SPTBN1: variants seen among roughly 807,000 people sequenced by gnomAD.
SPTBN1 encodes spectrin beta, non-erythrocytic 1.
Under a neutral mutation model 266.4 loss-of-function variants are expected in SPTBN1, and 32 were observed. The observed-to-expected ratio is 0.12, with a 90% confidence interval of 0.09 to 0.16. SPTBN1 has a LOEUF of 0.16. SPTBN1 is among the 10% of genes least tolerant of loss of function. The pLI, the probability that SPTBN1 is intolerant of heterozygous loss-of-function variation, is 1.00. For synonymous variants in SPTBN1, 1,336 were observed against 1,162.2 expected (o/e 1.15, Z -3.04); for missense variants, 2,296 against 3,067.1 (o/e 0.75, Z 5.94).
intron 1 of SPTBN1, among the ~76,000 whole-genome samples, chr2:54,523,959 G>A (rs1191278554): frequency 6.6e-6 from 1 of 152,206 alleles, no homozygotes; most frequent in African/African-American, 2.4e-5. Context: ...CAGCACTTTG[G>A]GAGGCCAAGG....
chr2:54,662,110 G>T, intron 32 of SPTBN1: 1 of 985,316 alleles, frequency 1.0e-6, no homozygotes, highest in Non-Finnish European at 1.2e-6. Context: ...AGTATCTCGG[G>T]TGTGCCCAGC....
At chr2:54,529,505 C>G (rs1486690740) in intron 2 of SPTBN1, 1 of 712,682 alleles carries the variant, frequency 1.4e-6, no homozygotes, top group Non-Finnish European at 2.6e-6. Flanking sequence ...GACACTGAGA[C>G]TCTGGAGGCC....
chr2:54,460,767 AG>A (rs1693326244), intron 1 of SPTBN1, among the ~76,000 whole-genome samples: 1 of 152,086 alleles, frequency 6.6e-6, no homozygotes, highest in Non-Finnish European at 1.5e-5. Flanking sequence ...TGGGATGCCG[AG>A]TGGGGGCGGA....
At position 54,594,833 on chromosome 2, in the gene SPTBN1, C is replaced by CTTTTTTTTTTTT. The variant is rs71408777; in HGVS notation, c.149-4252_149-4241dup. On this transcript the variant is annotated intron_variant, in intron 2 of 35. Transcript: ENST00000356805. ...GATTCCATGACCCTCTGGTAAGTTT[C>CTTTTTTTTTTTT]TTTTTTTTTTTTTTTTTTGAGACAG... Among the ~76,000 whole-genome samples the CTTTTTTTTTTTT allele has an allele frequency of 1.9e-3, 199 of 104,662 alleles. 22 individuals carry two copies. Among genetic ancestry groups the CTTTTTTTTTTTT allele is most frequent in the African/African-American group, 6.0e-3 (119 of 19,766 alleles). 68.7% of individuals were successfully genotyped at this position (104,662 alleles called of 152,430 possible).
In SPTBN1 at chr2:54,649,115, C is replaced by A. The variant is rs1222786663; in HGVS notation, c.5127C>A (p.Asp1709Glu). The change falls in exon 25 of 36, where the codon GAC (aspartate) becomes GAA (glutamate). Residue 1709 changes from aspartate (D) to glutamate (E), a missense_variant. Physicochemically the swap from Asp to Glu is conservative, Grantham distance 45 (BLOSUM62 2). Coordinates refer to ENST00000356805, the MANE Select transcript of SPTBN1 (RefSeq NM_003128.3). This position sits in a 1 kb window ranked among gnomAD's most constrained non-coding sequence, Gnocchi z 6.7. ...RLFQLNREVD[D>E]LEQWIAEREV... ...TCCAGCTCAACCGGGAGGTGGACGACCTGGAGCAGTGGATCGCTGAGAGGG... is the reference window on the plus strand; with the variant it reads ...TCCAGCTCAACCGGGAGGTGGACGAACTGGAGCAGTGGATCGCTGAGAGGG... The A allele has an allele frequency of 1.2e-6, 2 of 1,613,910 alleles. No individual in the cohort carries two copies. The highest frequency in any genetic ancestry group is 1.7e-6 in the Non-Finnish European group (2 of 1,179,854).
chr2:54,649,581 G>C lies in SPTBN1; in HGVS notation c.5203-34G>C. 1 of 1,595,804 alleles carries C rather than the reference G, an allele frequency of 6.3e-7. No homozygotes were observed. The highest frequency in any genetic ancestry group is 8.6e-7 in the Non-Finnish European group (1 of 1,167,000). ...ATCAAGAAATACAGAGTTCACAGTGGGCTCTCTGATTTCCTTACCCATCCC... is the reference window on the plus strand; with the variant it reads ...ATCAAGAAATACAGAGTTCACAGTGCGCTCTCTGATTTCCTTACCCATCCC... On this transcript the variant is annotated intron_variant, in intron 25 of 35. Coordinates refer to ENST00000356805, the MANE Select transcript of SPTBN1 (RefSeq NM_003128.3). This position sits in a 1 kb window ranked among gnomAD's most constrained non-coding sequence, Gnocchi z 6.7.
intron 1 of SPTBN1, among the ~76,000 whole-genome samples, chr2:54,471,306 T>C (rs1327022713): frequency 1.3e-5 from 2 of 152,198 alleles, no homozygotes; most frequent in African/African-American, 2.4e-5. Context: ...TCTTGCTCAT[T>C]TCCCTTGGTA....
At chr2:54,665,703 T>C (rs1042571448) in intron 33 of SPTBN1, among the ~76,000 whole-genome samples, 3 of 152,226 alleles carry the variant, frequency 2.0e-5, no homozygotes, top group Non-Finnish European at 4.4e-5. Context: ...ACTTGCCCTG[T>C]GCCCTGTCCC....
At chr2:54,522,299 C>A (rs1160072817) in intron 1 of SPTBN1, among the ~76,000 whole-genome samples, 1 of 152,064 alleles carries the variant, frequency 6.6e-6, no homozygotes, top group Non-Finnish European at 1.5e-5. Context: ...TGAGTGACTT[C>A]TTTTAAGCTT....
intron 2 of SPTBN1, among the ~76,000 whole-genome samples, chr2:54,595,988 A>G (rs1244380648): frequency 7.2e-6 from 1 of 139,640 alleles, no homozygotes; most frequent in Non-Finnish European, 1.5e-5. Flanking sequence ...TGGAGCTTGT[A>G]AGTGCTACCT....
chr2:54,484,240 A>G (rs1307497259), intron 1 of SPTBN1, among the ~76,000 whole-genome samples: 1 of 152,160 alleles, frequency 6.6e-6, no homozygotes, highest in Non-Finnish European at 1.5e-5. Flanking sequence ...GCACGGTATT[A>G]ACTGCCTTTC....
intron 1 of SPTBN1, among the ~76,000 whole-genome samples, chr2:54,494,376 G>A (rs1668854669): frequency 6.6e-6 from 1 of 151,986 alleles, no homozygotes; most frequent in Non-Finnish European, 1.5e-5. Flanking sequence ...ATTCAATTCC[G>A]AGGTATTTAA....
At chr2:54,486,984 C>T (rs1041595214) in intron 1 of SPTBN1, among the ~76,000 whole-genome samples, 2 of 151,984 alleles carry the variant, frequency 1.3e-5, no homozygotes, top group Non-Finnish European at 1.5e-5. Context: ...TATCAAACGG[C>T]GCTGAGGACC....
Position 54,610,867 on chromosome 2 carries a change from A to G in SPTBN1, c.301-1294A>G, listed in dbSNP as rs530970183. ...TATTGCACTAGACACTGTGAAAAAT[A>G]CACAAGAACTGTGAGAGATGGCTTT... is the stretch of plus-strand genomic sequence containing the variant. On this transcript the variant is annotated intron_variant, in intron 3 of 35. Coordinates refer to ENST00000356805, the MANE Select transcript of SPTBN1 (RefSeq NM_003128.3). Among the ~76,000 whole-genome samples the G allele has an allele frequency of 1.1e-4, 16 of 152,346 alleles. No homozygotes were observed. In the South Asian group the frequency reaches 3.3e-3, roughly 32 times the overall value.
intron 1 of SPTBN1, among the ~76,000 whole-genome samples, chr2:54,520,114 G>C (rs1052245657): frequency 6.6e-6 from 1 of 152,168 alleles, no homozygotes; most frequent in African/African-American, 2.4e-5. Context: ...AGATTTTGTA[G>C]AGTAACAGTA....
intron 1 of SPTBN1, among the ~76,000 whole-genome samples, chr2:54,524,902 C>A (rs762662562): frequency 1.3e-5 from 2 of 152,172 alleles, no homozygotes; most frequent in Non-Finnish European, 2.9e-5. Flanking sequence ...ACTCGAGAGG[C>A]CTTCCCTGAT....
At chr2:54,497,096 T>C (rs1170691585) in intron 1 of SPTBN1, among the ~76,000 whole-genome samples, 2 of 152,322 alleles carry the variant, frequency 1.3e-5, no homozygotes, top group African/African-American at 4.8e-5. Flanking sequence ...CGAAATCTGC[T>C]TCTGGCTGTT....
At chr2:54,508,334 G>A (rs77250799) in intron 1 of SPTBN1, among the ~76,000 whole-genome samples, 1 of 152,156 alleles carries the variant, frequency 6.6e-6, no homozygotes, top group Non-Finnish European at 1.5e-5. Flanking sequence ...TTCCTGACTC[G>A]AGGCATGTGA....
At position 54,492,346 on chromosome 2, in the gene SPTBN1, T is replaced by TTG. The variant is rs1244046279; in HGVS notation, c.-47-34025_-47-34024insGT. On this transcript the variant is annotated intron_variant, in intron 1 of 35. Transcript: ENST00000356805. ...CATTTAGTTTGTCTGCAGTTGTTTTTTTGTTTTTTTTTTTTTTTGCTACTA... is the reference window on the plus strand; with the variant it reads ...CATTTAGTTTGTCTGCAGTTGTTTTTTGTTGTTTTTTTTTTTTTTTGCTACTA... Among the ~76,000 whole-genome samples, 28 of 149,124 alleles carry TTG rather than the reference T, an allele frequency of 1.9e-4. No homozygotes were observed. In the East Asian group the frequency reaches 3.9e-3, roughly 21 times the overall value.
Sources: allele counts gnomAD v4.1 joint callset (sites outside exome capture counted in the v4.1 genomes callset), GRCh38; gene constraint gnomAD v4.1.1; non-coding constraint Gnocchi (gnomAD v3.1); transcripts MANE v1.5; gene names NCBI Gene and HGNC (gene_info 2026-07-23, HGNC 2026-07-21).